The following WASHC2A variants were observed in gnomAD, a reference collection of about 807,000 sequenced individuals.
WASHC2A encodes the protein WASH complex subunit FAM21A.
A neutral mutation model predicts 140.3 loss-of-function variants in WASHC2A; 82 were observed. The ratio of observed to expected loss-of-function variants is 0.58; its 90% CI spans 0.49 to 0.70. The LOEUF (loss-of-function observed/expected upper bound fraction) is 0.70, where lower values mean the gene tolerates loss of function less well. Ranked by LOEUF, WASHC2A falls within the 30% of genes least tolerant of loss-of-function variation. The probability of loss-of-function intolerance (pLI) is 0.00; values close to 1 mark genes in which losing one functional copy is unlikely to be tolerated. For synonymous variants in WASHC2A, 340 were observed against 560.8 expected, an observed-to-expected ratio of 0.61 and a Z score of 5.56; for missense variants, 985 against 1,521.8, an observed-to-expected ratio of 0.65 and a Z score of 5.87.
chr10:50,098,792 T>G (rs1840755627), intron 16 of WASHC2A, among the ~76,000 whole-genome samples: 1 of 148,588 alleles, frequency 6.7e-6, no homozygotes, highest in African/African-American at 2.5e-5. Flanking sequence ...TGCTTGATTA[T>G]TTTCCTATGA....
At chr10:50,068,378 C>T (rs1837487661) in intron 2 of WASHC2A, 151 bp downstream of exon 2, 5 of 1,187,616 alleles carry the variant, frequency 4.2e-6, no homozygotes, top group Admixed American at 3.0e-5. Flanking sequence ...GAGAATGCCA[C>T]CCTGGCAGTC....
At chr10:50,077,643 T>G (rs1838486281) in intron 3 of WASHC2A, among the ~76,000 whole-genome samples, 2 of 152,224 alleles carry the variant, frequency 1.3e-5, no homozygotes, top group South Asian at 4.1e-4. Flanking sequence ...TATTGACTTC[T>G]TATTTCTTTC....
intron 3 of WASHC2A, among the ~76,000 whole-genome samples, chr10:50,076,836 G>C (rs1212090849): frequency 6.7e-6 from 1 of 148,596 alleles, no homozygotes; most frequent in Non-Finnish European, 1.5e-5. Flanking sequence ...AAAAAATGCA[G>C]GCCGGGCATG....
At chr10:50,132,371 A>G (rs1844050909) in intron 30 of WASHC2A, among the ~76,000 whole-genome samples, 1 of 152,252 alleles carries the variant, frequency 6.6e-6, no homozygotes, top group African/African-American at 2.4e-5. Flanking sequence ...TTACATCGAG[A>G]TGCCTCAAAT....
intron 20 of WASHC2A, chr10:50,112,455 C>T (rs1236336134): frequency 0.026 from 3,314 of 129,168 alleles, 55 homozygotes; most frequent in African/African-American, 0.045. Context: ...CTGGTGGGAA[C>T]GTAAAATGGT....
At chr10:50,087,984 T>C (rs1180046789) in intron 8 of WASHC2A, among the ~76,000 whole-genome samples, 1 of 151,588 alleles carries the variant, frequency 6.6e-6, no homozygotes, top group Non-Finnish European at 1.5e-5. Flanking sequence ...CTCAGCCAAC[T>C]TTTTTTGTAT....
At chr10:50,117,881 A>G (rs1554892395) in intron 21 of WASHC2A, 25 bp from the exon 22 acceptor site, 4 of 1,360,814 alleles carry the variant, frequency 2.9e-6, no homozygotes, top group East Asian at 2.3e-5. Flanking sequence ...ATTGTTGTGG[A>G]TGTCATGTAC....
intron 16 of WASHC2A, among the ~76,000 whole-genome samples, chr10:50,099,142 C>T (rs2805185): frequency 0.28 from 43,027 of 151,962 alleles, 6,874 homozygotes; most frequent in Middle Eastern, 0.4. Context: ...TTCTATATTT[C>T]TTATTAGTTG....
In WASHC2A at chr10:50,127,431, T is replaced by G; in HGVS notation, c.2875-152T>G. 2.5e-6 allele frequency: 4 copies of G among 1,590,074 alleles called. No individual in the cohort carries two copies. In the South Asian group the frequency reaches 4.5e-5, roughly 18 times the overall value. ...GGGCATAGGTGTAAGACGCTCTGTT[T>G]TAATTCTGAGACTAGATCGGGCGAT... On this transcript the variant is annotated intron_variant, in intron 27 of 30. Transcript: ENST00000282633.
chr10:50,069,661 A>G lies in WASHC2A; in HGVS notation c.241A>G (p.Asn81Asp), dbSNP rs782271107. ...CAAAGCCACAGATTGTCGCCTGCAT[A>G]ATGTCTTCAATGACTTCCTTATGCT... is the stretch of plus-strand genomic sequence containing the variant. Reference protein sequence around the residue: ...ETKATDCRLHNVFNDFLMLSN... With the variant: ...ETKATDCRLHDVFNDFLMLSN... Residue 81 changes from asparagine (N) to aspartate (D), a missense_variant, in exon 3 of 31, where the codon AAT (asparagine) becomes GAT (aspartate). By Grantham distance (23) the Asn-to-Asp change is conservative. Coordinates refer to ENST00000282633, the MANE Select transcript of WASHC2A (RefSeq NM_001005751.3). The G allele has an allele frequency of 3.1e-6, 5 of 1,613,876 alleles. No homozygotes were observed. The African/African-American group carries it at 5.3e-5, about 17-fold the overall frequency.
At chr10:50,072,480 G>C (rs1218384270) in intron 3 of WASHC2A, among the ~76,000 whole-genome samples, 1 of 99,352 alleles carries the variant, frequency 1.0e-5, no homozygotes, top group African/African-American at 3.1e-5. Flanking sequence ...AAGTGATCTG[G>C]CTTTTTTTTT....
At chr10:50,077,741 G>A (rs1838502935) in intron 3 of WASHC2A, among the ~76,000 whole-genome samples, 1 of 151,622 alleles carries the variant, frequency 6.6e-6, no homozygotes, top group Non-Finnish European at 1.5e-5. Flanking sequence ...GGTGCAATCA[G>A]GGCTCACTGC....
chr10:50,117,580 A>G (rs1322043607), intron 21 of WASHC2A, among the ~76,000 whole-genome samples: 98 of 148,464 alleles, frequency 6.6e-4, no homozygotes, highest in African/African-American at 2.2e-3. Context: ...TTCTAGTTGA[A>G]ATATAAGAGG....
chr10:50,130,575 G>T (rs1198794494), intron 29 of WASHC2A, among the ~76,000 whole-genome samples: 1 of 152,122 alleles, frequency 6.6e-6, no homozygotes, highest in African/African-American at 2.4e-5. Context: ...TACAAACAGG[G>T]CAATGGATAA....
Sources: allele counts gnomAD v4.1 joint callset (sites outside exome capture counted in the v4.1 genomes callset), GRCh38; gene constraint gnomAD v4.1.1; transcripts MANE v1.5; gene names NCBI Gene and HGNC (gene_info 2026-07-23, HGNC 2026-07-21).